Variants in MUC3A observed in about 807,000 individuals in gnomAD.
MUC3A encodes the protein mucin 3A, cell surface associated.
MUC3A carries 109 observed loss-of-function variants against 109.0 expected under a neutral mutation model. The ratio of observed to expected loss-of-function variants is 1.00; its 90% CI spans 0.86 to 1.17. The LOEUF (loss-of-function observed/expected upper bound fraction) is 1.17. Among genes scored for constraint, MUC3A ranks in the 50% most tolerant of loss-of-function variants. The pLI, the probability that MUC3A is intolerant of heterozygous loss-of-function variation, is 0.00. For synonymous variants in MUC3A, 1,398 were observed against 981.4 expected, an observed-to-expected ratio of 1.42 and a Z score of -7.93; for missense variants, 3,537 against 2,469.4, an observed-to-expected ratio of 1.43 and a Z score of -9.16.
intron 8 of MUC3A, chr7:100,966,124 C>T (rs796492001): frequency 1.9e-6 from 1 of 528,896 alleles, no homozygotes; most frequent in Non-Finnish European, 3.1e-6. Flanking sequence ...GGCCCCGCCT[C>T]CTCGTTCTAG....
Position 100,963,260 on chromosome 7 carries a change from G to A in MUC3A, c.9162G>A (p.Trp3054Ter). The A allele has an allele frequency of 6.3e-7, 1 of 1,597,370 alleles. No individual in the cohort carries two copies. Among genetic ancestry groups the A allele is most frequent in the Admixed American group, 1.7e-5 (1 of 59,856 alleles). The change falls in exon 4 of 12, where the codon TGG becomes TGA. Residue 3054 changes from tryptophan to a stop codon, truncating the protein, a stop_gained. Coordinates refer to ENST00000379458, the MANE Select transcript of MUC3A (RefSeq NM_005960.2). LOFTEE classifies it high-confidence loss of function. ...ACAGGGATTTCAACAAGACCTTCTG[G>A]AATCAGGTAAAGGGCAAAGAGAGGG... is the stretch of plus-strand genomic sequence containing the variant. ...QAYRDFNKTF[W>*]NQMQKIFADM...
Position 100,958,851 on chromosome 7 carries a change from T to G in MUC3A, c.7072T>G (p.Phe2358Val), listed in dbSNP as rs1409923875. 5 of 1,592,846 alleles carry G rather than the reference T, an allele frequency of 3.1e-6. No homozygotes were observed. Among genetic ancestry groups the G allele is most frequent in the Admixed American group, 3.3e-5 (2 of 59,702 alleles). Residue 2358 changes from phenylalanine to valine, a missense_variant, in exon 2 of 12, where the codon TTC becomes GTC. Physicochemically the swap from Phe to Val is conservative, Grantham distance 50. Transcript: ENST00000379458. Reference protein sequence around the residue: ...TETNSHSTTSFTSSITTTETT... With the variant: ...TETNSHSTTSVTSSITTTETT... ...GACCAACTCTCACAGTACTACCAGCTTCACTTCTTCGATCACCACCACCGA... is the reference window on the plus strand; with the variant it reads ...GACCAACTCTCACAGTACTACCAGCGTCACTTCTTCGATCACCACCACCGA...
rs1434177947 is a variant in MUC3A at position 100,964,471 on chromosome 7, G to C, written c.9234-224G>C. ...AGACTTTGTCTCTATAAAACACACAGAGAGAGGAAGTCAATCATGTCAGTC... is the reference window on the plus strand; with the variant it reads ...AGACTTTGTCTCTATAAAACACACACAGAGAGGAAGTCAATCATGTCAGTC... On this transcript the variant is annotated intron_variant, in intron 5 of 11. Transcript: ENST00000379458. The C allele has an allele frequency of 2.2e-5, 15 of 680,868 alleles. No individual in the cohort carries two copies. In the South Asian group the frequency reaches 3.7e-4, roughly 17 times the overall value. 42.2% of individuals were successfully genotyped at this position (680,868 alleles called of 1,614,324 possible).
At chr7:100,949,799 T>G in intron 1 of MUC3A, 114 bp downstream of exon 1, 1 of 765,394 alleles carries the variant, frequency 1.3e-6, no homozygotes, top group Non-Finnish European at 1.6e-6. Context: ...AGGCACCGCT[T>G]GGGGCTCTGG....
rs759795288 is a variant in MUC3A, at chr7:100,965,697, C to T, written c.9449-7C>T. 1.3e-6 allele frequency: 2 copies of T among 1,595,284 alleles called. No individual in the cohort carries two copies. The highest frequency in any genetic ancestry group is 2.2e-5 in the East Asian group (1 of 44,840). ...TGTCTCTGTGCATCCCCCTCCCCAA[C>T]CCCCAGCCATCTGCCGCCGCGCCGC... On this transcript the variant is annotated splice_region_variant and splice_polypyrimidine_tract_variant and intron_variant, in intron 7 of 11. Transcript: ENST00000379458.
chr7:100,958,890 A>T lies in MUC3A; in HGVS notation c.7111A>T (p.Ser2371Cys), dbSNP rs547276534. ...SITTTETTSH[S>C]TPSFSSSITT... is the part of the protein sequence containing the mutation. Reference sequence around the variant, plus strand: ...CACCACCACCGAGACCACCTCACACAGTACTCCCAGCTTCAGTTCTTCAAT... The same window carrying T: ...CACCACCACCGAGACCACCTCACACTGTACTCCCAGCTTCAGTTCTTCAAT... The change falls in exon 2 of 12, where the codon AGT becomes TGT. Residue 2371 changes from serine to cysteine, a missense_variant. Physicochemically the swap from Ser to Cys is moderately radical, Grantham distance 112. Coordinates refer to ENST00000379458, the MANE Select transcript of MUC3A (RefSeq NM_005960.2). 1 of 1,594,420 alleles carries T rather than the reference A, an allele frequency of 6.3e-7. No homozygotes were observed. Among genetic ancestry groups the T allele is most frequent in the Admixed American group, 1.7e-5 (1 of 59,828 alleles).
Position 100,959,158 on chromosome 7 carries a change from C to A in MUC3A, c.7379C>A (p.Thr2460Asn). ...GTCAGCACATCCACAACTGCCATCA[C>A]CTCACATTTTACTACCTCAGAGACT... Reference protein sequence around the residue: ...STVSTSTTAITSHFTTSETAV... With the variant: ...STVSTSTTAINSHFTTSETAV... Residue 2460 changes from threonine (T) to asparagine (N), a missense_variant, in exon 2 of 12, where the codon ACC (threonine) becomes AAC (asparagine). Thr to Asn is a moderately conservative substitution (Grantham distance 65). Transcript: ENST00000379458. 1 of 1,554,156 alleles carries A rather than the reference C, an allele frequency of 6.4e-7. No individual in the cohort carries two copies.
At chr7:100,964,078 A>C in intron 5 of MUC3A, 1 of 471,688 alleles carries the variant, frequency 2.1e-6, no homozygotes. Flanking sequence ...AGAGAGAGAG[A>C]AAGAGAGAGA....
intron 3 of MUC3A, 35 bp downstream of exon 3, chr7:100,960,972 C>T (rs762660845): frequency 8.8e-6 from 14 of 1,598,300 alleles, no homozygotes; most frequent in Non-Finnish European, 1.1e-5. Flanking sequence ...TGCACTTCCT[C>T]CCACAGGGTG....
chr7:100,965,627 C>A, intron 7 of MUC3A, 77 bp from the exon 8 acceptor site: 1 of 1,541,516 alleles, frequency 6.5e-7, no homozygotes, highest in African/African-American at 1.4e-5. Flanking sequence ...CGCGCATATT[C>A]AGAGGCACCG....
Position 100,960,320 on chromosome 7 carries a change from C to T in MUC3A, c.8541C>T (p.Ser2847=). The T allele has an allele frequency of 1.3e-6, 2 of 1,598,550 alleles. No individual in the cohort carries two copies. Among genetic ancestry groups the T allele is most frequent in the South Asian group, 1.1e-5 (1 of 91,092 alleles). Residue 2847 remains serine, a synonymous_variant, in exon 2 of 12, where the codon TCC becomes TCT. Coordinates refer to ENST00000379458, the MANE Select transcript of MUC3A (RefSeq NM_005960.2). ...ESESSISPNA[S]SSTGTGTVPT... ...AGTCCAGCATCTCACCCAATGCTTC[C>T]AGTTCCACTGGCACTGGGACTGTAC...
chr7:100,966,626 T>C, intron 9 of MUC3A, 26 bp from the exon 10 acceptor site: 1 of 1,598,452 alleles, frequency 6.3e-7, no homozygotes, highest in Non-Finnish European at 8.5e-7. Flanking sequence ...GCCGGCTCTG[T>C]CTGACCGCGC....
Position 100,957,183 on chromosome 7 carries a change from C to G in MUC3A, c.5404C>G (p.Pro1802Ala). ...TACCAGTAGCGTTTCATCTTCTACG[C>G]CTGTCCCAAGTACAGAAGCGATCAC... ...SFTSSVSSST[P>A]VPSTEAITSG... Residue 1802 changes from proline (P) to alanine (A), a missense_variant, in exon 2 of 12, where the codon CCT (proline) becomes GCT (alanine). Coordinates refer to ENST00000379458, the MANE Select transcript of MUC3A (RefSeq NM_005960.2). The G allele has an allele frequency of 2.2e-6, 1 of 450,154 alleles. No individual in the cohort carries two copies. The highest frequency in any genetic ancestry group is 3.9e-6 in the Non-Finnish European group (1 of 258,334). The allele number at this position is 450,154 out of a possible 1,614,324, so 27.9% of individuals were successfully genotyped here. A position where few individuals can be genotyped will look rare whatever the true frequency, so the allele number is the denominator to read the frequency against.
In MUC3A at chr7:100,960,585, C is replaced by CGA; in HGVS notation, c.8807_8808insAG (p.Arg2937AlafsTer10). ...CCAGACTCCTACCACCCTTACATCA[C>CGA]GCAGGACAACTCGCATCACTTCTCA... On this transcript the variant is annotated frameshift_variant, in exon 2 of 12. Transcript: ENST00000379458. LOFTEE classifies it high-confidence loss of function. 6.4e-7 allele frequency: 1 copy of CGA among 1,563,428 alleles called. No homozygotes were observed. The highest frequency in any genetic ancestry group is 8.7e-7 in the Non-Finnish European group (1 of 1,155,476).
intron 8 of MUC3A, chr7:100,966,165 G>GATCCCCGCCCCCTCCTTTTAGTGTGA: frequency 5.9e-6 from 2 of 341,288 alleles, no homozygotes; most frequent in East Asian, 4.4e-5. Flanking sequence ...TTCTAGGGTG[G>GATCCCCGCCCCCTCCTTTTAGTGTGA]AGCCCTGCCC....
At chr7:100,949,777 G>A (rs74529403) in intron 1 of MUC3A, 92 bp downstream of exon 1, 10 of 936,890 alleles carry the variant, frequency 1.1e-5, no homozygotes, top group African/African-American at 4.5e-5. Context: ...GGCCTGGGGA[G>A]GGGGGATAAG....
intron 5 of MUC3A, 123 bp from the exon 6 acceptor site, chr7:100,964,572 T>C: frequency 7.0e-7 from 1 of 1,427,574 alleles, no homozygotes; most frequent in Non-Finnish European, 9.2e-7. Context: ...GCACGTGGCA[T>C]CCCAACTCAT....
chr7:100,965,260 A>G, intron 6 of MUC3A, 22 bp from the exon 7 acceptor site: 1 of 1,598,220 alleles, frequency 6.3e-7, no homozygotes, highest in Non-Finnish European at 8.5e-7. Flanking sequence ...CGCCCATTCC[A>G]TCTGTGCCTG....
intron 8 of MUC3A, 180 bp downstream of exon 8, chr7:100,966,046 T>TGCGTCGC: frequency 4.3e-6 from 1 of 232,434 alleles, no homozygotes; most frequent in Non-Finnish European, 6.5e-6. Flanking sequence ...GGAGCTCTGC[T>TGCGTCGC]CCTTTGATGG....
Sources: allele counts gnomAD v4.1 joint callset, GRCh38; gene constraint gnomAD v4.1.1; transcripts MANE v1.5; gene names NCBI Gene and HGNC (gene_info 2026-07-23, HGNC 2026-07-21).